Variants in ANAPC1 observed in about 807,000 individuals in gnomAD.
The protein encoded by ANAPC1 is anaphase promoting complex subunit 1, also known as anaphase-promoting complex subunit 1.
Under a neutral mutation model 208.0 loss-of-function variants are expected in ANAPC1, and 36 were observed. That is an observed-to-expected ratio of 0.17 (90% CI 0.13 to 0.23). The LOEUF (loss-of-function observed/expected upper bound fraction) is 0.23. Ranked by LOEUF, ANAPC1 falls within the 10% of genes least tolerant of loss-of-function variation. The pLI, the probability that ANAPC1 is intolerant of heterozygous loss-of-function variation, is 1.00. For missense variants in ANAPC1, 942 were observed against 2,011.6 expected (o/e 0.47, Z 10.17); for synonymous variants, 378 against 695.2 (o/e 0.54, Z 7.18).
intron 13 of ANAPC1, among the ~76,000 whole-genome samples, chr2:111,855,389 T>A (rs540804120): frequency 6.6e-6 from 1 of 152,068 alleles, no homozygotes; most frequent in Non-Finnish European, 1.5e-5. Flanking sequence ...GCTGGAAAAA[T>A]GGCACCAACA....
At position 111,864,926 on chromosome 2, in the gene ANAPC1, T is replaced by C. The variant is rs754021924; in HGVS notation, c.711A>G (p.Gln237=). Reference sequence around the variant, plus strand: ...TTTTCATTGCATGATCTACAACATATTGCACCCGTGATGAACCAAAAAGAC... The same window carrying C: ...TTTTCATTGCATGATCTACAACATACTGCACCCGTGATGAACCAAAAAGAC... ...SGSLFGSSRV[Q]YVVDHAMKIV... Residue 237 remains glutamine, a synonymous_variant, in exon 8 of 48, where the codon CAA becomes CAG. Transcript: ENST00000341068. The C allele has an allele frequency of 1.2e-5, 19 of 1,611,228 alleles. No individual in the cohort carries two copies. Among genetic ancestry groups the C allele is most frequent in the Non-Finnish European group, 1.5e-5 (18 of 1,179,662 alleles).
At chr2:111,827,671 C>T (rs1413450988) in intron 21 of ANAPC1, among the ~76,000 whole-genome samples, 1 of 152,088 alleles carries the variant, frequency 6.6e-6, no homozygotes, top group South Asian at 2.1e-4. Flanking sequence ...GGAAGGACTG[C>T]TTGAGCCCCG....
At chr2:111,882,358 T>C (rs1424429329) in intron 1 of ANAPC1, among the ~76,000 whole-genome samples, 3 of 152,194 alleles carry the variant, frequency 2.0e-5, no homozygotes, top group Non-Finnish European at 2.9e-5. Flanking sequence ...GAATCCTATA[T>C]GGTTACACAA....
chr2:111,797,408 T>C (rs1283228695), intron 34 of ANAPC1, among the ~76,000 whole-genome samples: 1 of 151,802 alleles, frequency 6.6e-6, no homozygotes, highest in African/African-American at 2.4e-5. Flanking sequence ...CATCCTACAA[T>C]ATACATTTCA....
In ANAPC1 at chr2:111,869,685, C is replaced by G. The variant is rs542729663; in HGVS notation, c.612-1589G>C. 8.3e-4 allele frequency among the ~76,000 whole-genome samples: 127 copies of G among 152,304 alleles called. 2 individuals carry two copies. Among genetic ancestry groups the G allele is most frequent in the African/African-American group, 2.8e-3 (117 of 41,552 alleles). The stretch of plus-strand genomic sequence containing the variant: ...TCCCTTATCTGAAATACTTGGGACC[C>G]TAAGTGTTTTGGATTATTTACCTTA... On this transcript the variant is annotated intron_variant, in intron 6 of 47. Transcript: ENST00000341068.
intron 38 of ANAPC1, among the ~76,000 whole-genome samples, chr2:111,791,123 T>A (rs1048179539): frequency 1.3e-5 from 2 of 152,006 alleles, no homozygotes; most frequent in African/African-American, 4.8e-5. Flanking sequence ...AGCAAGAGAT[T>A]TGGACATCAC....
intron 1 of ANAPC1, among the ~76,000 whole-genome samples, chr2:111,882,127 T>C (rs76565765): frequency 3.2e-4 from 48 of 150,894 alleles, no homozygotes; most frequent in African/African-American, 1.2e-3. Flanking sequence ...GAGGTTGCAG[T>C]GAGCCGAGAT....
At position 111,769,241 on chromosome 2, in the gene ANAPC1, G is replaced by A. The variant is rs1384424843; in HGVS notation, c.*50C>T. On this transcript the variant is annotated 3_prime_UTR_variant, in exon 48 of 48. Transcript: ENST00000341068. ...TGCTTTAGCTTTGATGTTTGGTCAC[G>A]TTTGTTGTGCAGAAGTCACGTTTCA... is the stretch of plus-strand genomic sequence containing the variant. The A allele has an allele frequency of 1.2e-5, 20 of 1,611,600 alleles. No individual in the cohort carries two copies. The highest frequency in any genetic ancestry group is 1.7e-5 in the Admixed American group (1 of 59,980).
rs765673538 is a variant in ANAPC1, at chr2:111,850,765, C to T, written c.1650+11G>A. 8.7e-6 allele frequency: 14 copies of T among 1,610,920 alleles called. No individual in the cohort carries two copies. Among genetic ancestry groups the T allele is most frequent in the Non-Finnish European group, 1.0e-5 (12 of 1,179,646 alleles). On this transcript the variant is annotated intron_variant, in intron 14 of 47. Transcript: ENST00000341068. ...TGTTAACTTTTTGGCAACACCTAGTCCTTTTCTTACCTCGTCCAATGATCC... is the reference window on the plus strand; with the variant it reads ...TGTTAACTTTTTGGCAACACCTAGTTCTTTTCTTACCTCGTCCAATGATCC...
chr2:111,767,620 A>G (rs1193155930), downstream of ANAPC1: 1 of 138,762 alleles, frequency 7.2e-6, no homozygotes, highest in Admixed American at 7.3e-5. Context: ...GTATGAGTTA[A>G]TATGTGTGCA....
chr2:111,843,091 T>A (rs1680856670), intron 17 of ANAPC1, among the ~76,000 whole-genome samples: 1 of 152,198 alleles, frequency 6.6e-6, no homozygotes, highest in African/African-American at 2.4e-5. Context: ...TGTGATTTCT[T>A]TGTGATCCAG....
At chr2:111,850,113 G>A (rs1407524248) in intron 14 of ANAPC1, among the ~76,000 whole-genome samples, 1 of 152,022 alleles carries the variant, frequency 6.6e-6, no homozygotes, top group East Asian at 1.9e-4. Context: ...CATAGAAAAT[G>A]CTCAAAAAAG....
intron 39 of ANAPC1, among the ~76,000 whole-genome samples, chr2:111,786,972 C>A (rs1204922241): frequency 2.0e-5 from 3 of 151,506 alleles, no homozygotes; most frequent in African/African-American, 7.3e-5. Flanking sequence ...TACGGTGAAA[C>A]CCCGTCTCTA....
At chr2:111,851,582 G>A (rs757031959) in intron 13 of ANAPC1, among the ~76,000 whole-genome samples, 7 of 151,856 alleles carry the variant, frequency 4.6e-5, no homozygotes, top group African/African-American at 9.7e-5. Flanking sequence ...CGAGGCGGGC[G>A]GATCACAAGG....
chr2:111,806,644 T>C (rs1388421800), intron 29 of ANAPC1, among the ~76,000 whole-genome samples: 1 of 120,994 alleles, frequency 8.3e-6, no homozygotes, highest in Non-Finnish European at 1.7e-5. Context: ...CTTACTTATG[T>C]TGTTAAGCTG....
chr2:111,792,613 G>A, intron 37 of ANAPC1, 58 bp from the exon 38 acceptor site: 1 of 1,523,554 alleles, frequency 6.6e-7, no homozygotes, highest in Non-Finnish European at 8.9e-7. Context: ...TTTATTATCA[G>A]AACTAGCTTA....
intron 13 of ANAPC1, among the ~76,000 whole-genome samples, chr2:111,853,691 A>G (rs1462573239): frequency 6.7e-6 from 1 of 149,238 alleles, no homozygotes; most frequent in Non-Finnish European, 1.5e-5. Flanking sequence ...TCTTAATGGC[A>G]TCTAGAAAGG....
At chr2:111,861,589 T>G (rs1682069346) in intron 10 of ANAPC1, among the ~76,000 whole-genome samples, 1 of 142,596 alleles carries the variant, frequency 7.0e-6, no homozygotes, top group East Asian at 2.0e-4. Flanking sequence ...ATCCTTCAGC[T>G]ATCTGCCTCT....
Position 111,808,829 on chromosome 2 carries a change from C to A in ANAPC1, c.3832+118G>T. ...TTAATTAGTACTAGATCATTCTTTGCTCATAAAAGCTACCATTGTCTTTCC... is the reference window on the plus strand; with the variant it reads ...TTAATTAGTACTAGATCATTCTTTGATCATAAAAGCTACCATTGTCTTTCC... On this transcript the variant is annotated intron_variant, in intron 29 of 47. Coordinates refer to ENST00000341068, the MANE Select transcript of ANAPC1 (RefSeq NM_022662.4). 3 of 1,483,810 alleles carry A rather than the reference C, an allele frequency of 2.0e-6. No homozygotes were observed. In the South Asian group the frequency reaches 3.5e-5, roughly 17 times the overall value. The allele number at this position is 1,483,810 out of a possible 1,614,324, so 91.9% of individuals were successfully genotyped here.
Sources: allele counts gnomAD v4.1 joint callset (sites outside exome capture counted in the v4.1 genomes callset), GRCh38; gene constraint gnomAD v4.1.1; transcripts MANE v1.5; gene names NCBI Gene and HGNC (gene_info 2026-07-23, HGNC 2026-07-21).